Variants in ADCK5 observed in about 807,000 individuals in gnomAD.
ADCK5 encodes uncharacterized aarF domain-containing protein kinase 5.
Under a neutral mutation model 64.9 loss-of-function variants are expected in ADCK5, and 43 were observed. The observed-to-expected ratio is 0.66, with a 90% CI of 0.52 to 0.85. ADCK5 has a LOEUF of 0.85. ADCK5 is among the 40% of genes least tolerant of loss of function. ADCK5 has a pLI of 0.00. For synonymous variants in ADCK5, 434 were observed against 342.8 expected (o/e 1.27, Z -2.94); for missense variants, 760 against 810.5 (o/e 0.94, Z 0.76).
Position 144,381,421 on chromosome 8 carries a change from G to C in ADCK5, c.117-1660G>C, listed in dbSNP as rs1819631300. Among the ~76,000 whole-genome samples, 3 of 129,666 alleles carry C rather than the reference G, an allele frequency of 2.3e-5. No homozygotes were observed. In the South Asian group the frequency reaches 7.9e-4, roughly 34 times the overall value. The allele number at this position is 129,666 out of a possible 152,430, so 85.1% of individuals were successfully genotyped here. ...GCACCTGCTGCACTCAGGATTATGG[G>C]CCAGGTGTAGAAACAGATGTGTGCT... On this transcript the variant is annotated intron_variant, in intron 2 of 14. Coordinates refer to ENST00000308860, the MANE Select transcript of ADCK5 (RefSeq NM_174922.5).
At chr8:144,379,757 G>A (rs1819520084) in intron 2 of ADCK5, among the ~76,000 whole-genome samples, 1 of 152,232 alleles carries the variant, frequency 6.6e-6, no homozygotes, top group African/African-American at 2.4e-5. Context: ...TGGAGCGCCT[G>A]CTCTGAAGAG....
upstream of ADCK5, among the ~76,000 whole-genome samples, chr8:144,373,641 C>T (rs1475023829): frequency 1.3e-5 from 2 of 152,246 alleles, no homozygotes; most frequent in Non-Finnish European, 2.9e-5. Context: ...CATCTTGGCC[C>T]TCACACAGGC....
chr8:144,381,685 T>G (rs1443678560), intron 2 of ADCK5, among the ~76,000 whole-genome samples: 13 of 148,182 alleles, frequency 8.8e-5, no homozygotes, highest in African/African-American at 3.1e-4. Flanking sequence ...GCAGTCAGAA[T>G]TATGGGCCGG....
chr8:144,382,130 G>A (rs1385346753), intron 2 of ADCK5, among the ~76,000 whole-genome samples: 77 of 144,108 alleles, frequency 5.3e-4, no homozygotes, highest in Admixed American at 4.9e-3. Context: ...TGGGCCGGGT[G>A]TAGAAACAGA....
chr8:144,380,063 A>G (rs1282871071), intron 2 of ADCK5, among the ~76,000 whole-genome samples: 1 of 152,218 alleles, frequency 6.6e-6, no homozygotes, highest in Non-Finnish European at 1.5e-5. Flanking sequence ...CAGTAGGACA[A>G]CCTGTGTCCC....
At chr8:144,383,693 C>T (rs1819781677) in intron 3 of ADCK5, among the ~76,000 whole-genome samples, 1 of 152,198 alleles carries the variant, frequency 6.6e-6, no homozygotes, top group Non-Finnish European at 1.5e-5. Flanking sequence ...TTATTGCTGT[C>T]AGGGCCCTTT....
At chr8:144,374,704 G>A (rs552909076) in intron 1 of ADCK5, among the ~76,000 whole-genome samples, 2 of 152,210 alleles carry the variant, frequency 1.3e-5, no homozygotes, top group African/African-American at 2.4e-5. Flanking sequence ...CCTCCCCGCC[G>A]GGCCTGCCCT....
At chr8:144,373,998 C>A, upstream of ADCK5, 1 of 1,212,008 alleles carries the variant, frequency 8.3e-7, no homozygotes, top group Non-Finnish European at 1.0e-6. Flanking sequence ...GGGGCTCTGG[C>A]TCCGGCGCGT....
At chr8:144,378,853 T>G (rs1819479801) in intron 1 of ADCK5, among the ~76,000 whole-genome samples, 1 of 151,972 alleles carries the variant, frequency 6.6e-6, no homozygotes, top group Admixed American at 6.6e-5. Context: ...CACTCCAGCC[T>G]GGGCGACAGA....
rs1260876438 is a variant in ADCK5 at position 144,392,458 on chromosome 8, C to G, written c.1281C>G (p.Phe427Leu). ...AALGVQDYLL[F>L]AEMLMQRPVR... is the part of the protein sequence containing the mutation. ...CTCCCTCCCCAGACTACCTCCTGTT[C>G]GCCGAGATGCTCATGCAGCGCCCCG... is the stretch of plus-strand genomic sequence containing the variant. The change falls in exon 13 of 15, where the codon TTC becomes TTG. Residue 427 changes from phenylalanine to leucine, a missense_variant. By Grantham distance (22) the Phe-to-Leu change is conservative (BLOSUM62 0). Around this residue, in one of 2 missense-constraint regions of ADCK5, gnomAD observed 333 missense variants for 292.0 expected, o/e 1.14. Transcript: ENST00000308860. The G allele has an allele frequency of 1.7e-6, 2 of 1,143,282 alleles. No homozygotes were observed. Among genetic ancestry groups the G allele is most frequent in the Admixed American group, 2.7e-5 (1 of 36,844 alleles). 70.8% of individuals were successfully genotyped at this position (1,143,282 alleles called of 1,614,324 possible). A position where few individuals can be genotyped will look rare whatever the true frequency, so the allele number is the denominator to read the frequency against.
At chr8:144,378,380 G>T (rs782421648) in intron 1 of ADCK5, among the ~76,000 whole-genome samples, 23 of 152,152 alleles carry the variant, frequency 1.5e-4, no homozygotes, top group Admixed American at 3.3e-4. Flanking sequence ...TGCTGTTGTG[G>T]TGATAGTGAG....
chr8:144,381,221 G>C (rs1819614836), intron 2 of ADCK5, among the ~76,000 whole-genome samples: 1 of 149,264 alleles, frequency 6.7e-6, no homozygotes, highest in Non-Finnish European at 1.5e-5. Flanking sequence ...TGTAGAAACA[G>C]ATGTGTGCTC....
intron 3 of ADCK5, among the ~76,000 whole-genome samples, chr8:144,385,737 G>A (rs1554859163): frequency 6.6e-6 from 1 of 151,802 alleles, no homozygotes; most frequent in African/African-American, 2.4e-5. Context: ...GCCGAGGTGG[G>A]TGGATCACGA....
chr8:144,375,892 C>T (rs1819343521), intron 1 of ADCK5, among the ~76,000 whole-genome samples: 1 of 152,214 alleles, frequency 6.6e-6, no homozygotes, highest in Admixed American at 6.5e-5. Context: ...TGGGGACCCA[C>T]CGTCTAAAAG....
At chr8:144,375,333 C>T (rs1483122919) in intron 1 of ADCK5, 1 of 548,092 alleles carries the variant, frequency 1.8e-6, no homozygotes, top group African/African-American at 2.1e-5. Context: ...GCCAGACCCA[C>T]TTACCCTGCC....
chr8:144,383,236 A>G lies in ADCK5; in HGVS notation c.266+6A>G, dbSNP rs1819759291. On this transcript the variant is annotated splice_donor_region_variant and intron_variant, in intron 3 of 14. Transcript: ENST00000308860. The stretch of plus-strand genomic sequence containing the variant: ...GGCATGGGGCGCTTTGGCAGGTAGG[A>G]GGGCCTGGCGGCAGGCAGGGGTTGC... 3.8e-6 allele frequency: 6 copies of G among 1,564,730 alleles called. No homozygotes were observed. Among genetic ancestry groups the G allele is most frequent in the African/African-American group, 1.3e-5 (1 of 74,092 alleles).
In ADCK5 at chr8:144,379,495, C is replaced by T. The variant is rs373989215; in HGVS notation, c.116+5C>T. 37 of 1,593,710 alleles carry T rather than the reference C, an allele frequency of 2.3e-5. No individual in the cohort carries two copies. The highest frequency in any genetic ancestry group is 1.0e-4 in the Admixed American group (6 of 58,698). The stretch of plus-strand genomic sequence containing the variant: ...CGTCAGGGGCCTTCCTCCAAGGTAA[C>T]GAGTCCTCCACGGGCATGCGCCTCT... On this transcript the variant is annotated splice_donor_5th_base_variant and intron_variant, in intron 2 of 14. Transcript: ENST00000308860.
Position 144,392,534 on chromosome 8 carries a change from G to T in ADCK5, c.1357G>T (p.Ala453Ser). Residue 453 changes from alanine to serine, a missense_variant, in exon 13 of 15, where the codon GCC becomes TCC. By Grantham distance (99) the Ala-to-Ser change is moderately conservative. Coordinates refer to ENST00000308860, the MANE Select transcript of ADCK5 (RefSeq NM_174922.5). ...GSHLLSREEA[A>S]YMVDMARERF... ...GCACCTACTGAGCCGCGAAGAGGCG[G>T]CCTACATGGTGGACATGGCCCGCGA... 1 of 1,559,344 alleles carries T rather than the reference G, an allele frequency of 6.4e-7. No homozygotes were observed.
intron 2 of ADCK5, among the ~76,000 whole-genome samples, chr8:144,382,710 G>A (rs1056009223): frequency 2.0e-5 from 3 of 152,204 alleles, no homozygotes; most frequent in Admixed American, 6.5e-5. Context: ...TGAATCCTGC[G>A]AGGTGGACGG....
Sources: gnomAD v4.1 joint callset for allele counts (sites outside exome capture counted in the v4.1 genomes callset) on GRCh38, gnomAD v4.1.1 for gene constraint, gnomAD v4.1.1 regional missense constraint, MANE v1.5 for transcripts, NCBI Gene and HGNC (gene_info 2026-07-23, HGNC 2026-07-21) for gene names.